Variants in CFAP43 observed in about 807,000 individuals in gnomAD.
The protein encoded by CFAP43 is cilia- and flagella-associated protein 43.
In CFAP43, 155 loss-of-function variants were observed where a neutral mutation model predicts 218.9. The observed-to-expected ratio is 0.71, with a 90% CI of 0.62 to 0.81. CFAP43 has a LOEUF of 0.81. CFAP43 is among the 30% of genes least tolerant of loss of function. CFAP43 has a pLI of 0.00. For missense variants in CFAP43, 1,778 were observed against 1,954.3 expected (o/e 0.91, Z 1.70); for synonymous variants, 645 against 681.3 (o/e 0.95, Z 0.83).
At chr10:104,214,653 C>G (rs2090964490) in intron 3 of CFAP43, among the ~76,000 whole-genome samples, 1 of 152,080 alleles carries the variant, frequency 6.6e-6, no homozygotes, top group Non-Finnish European at 1.5e-5. Flanking sequence ...ATATGCTATA[C>G]CAAGGCTATT....
In CFAP43 at chr10:104,197,957, T is replaced by A; in HGVS notation, c.1177A>T (p.Ile393Phe). The change falls in exon 9 of 38, where the codon ATT (isoleucine) becomes TTT (phenylalanine). Residue 393 changes from isoleucine (I) to phenylalanine (F), a missense_variant. Ile to Phe is a conservative substitution (Grantham distance 21). This residue lies in a region of CFAP43 where 1,553 missense variants were observed against 1,685.2 expected (regional missense o/e 0.92). Transcript: ENST00000357060. ...TGGGTTCCAGGTGTGATAAAGTCAA[T>A]TGCCTGAAATTTCCCATCACAAGCA... ...LDACDGKFQAIDFITPGTQYF... is the reference protein window; with the variant it reads ...LDACDGKFQAFDFITPGTQYF... 2.5e-6 allele frequency: 4 copies of A among 1,613,816 alleles called. No homozygotes were observed. The highest frequency in any genetic ancestry group is 3.4e-6 in the Non-Finnish European group (4 of 1,179,736).
Position 104,203,807 on chromosome 10 carries a change from G to A in CFAP43, c.964-4C>T. ...TAAAAGAATACACAAAGCCATCCTAGAGATGAGTGAGATAAACATAGAAAA... is the reference window on the plus strand; with the variant it reads ...TAAAAGAATACACAAAGCCATCCTAAAGATGAGTGAGATAAACATAGAAAA... On this transcript the variant is annotated splice_polypyrimidine_tract_variant and splice_region_variant and intron_variant, in intron 7 of 37. Coordinates refer to ENST00000357060, the MANE Select transcript of CFAP43 (RefSeq NM_025145.7). 1 of 1,591,790 alleles carries A rather than the reference G, an allele frequency of 6.3e-7. No homozygotes were observed. The highest frequency in any genetic ancestry group is 1.2e-5 in the South Asian group (1 of 86,144).
intron 7 of CFAP43, among the ~76,000 whole-genome samples, chr10:104,205,227 A>AAAAAAAAAAAAAC (rs2090651162): frequency 6.6e-6 from 1 of 151,158 alleles, no homozygotes; most frequent in Non-Finnish European, 1.5e-5. Flanking sequence ...AAAAAAAAAA[A>AAAAAAAAAAAAAC]AAAAAAAAGA....
intron 3 of CFAP43, among the ~76,000 whole-genome samples, chr10:104,222,558 C>A (rs1425831314): frequency 7.2e-5 from 11 of 152,196 alleles, no homozygotes; most frequent in Admixed American, 5.9e-4. Context: ...GTCCTCTGCA[C>A]AGCATCTACC....
chr10:104,230,930 G>A, intron 1 of CFAP43, 87 bp from the exon 2 acceptor site: 4 of 1,394,502 alleles, frequency 2.9e-6, no homozygotes, highest in Non-Finnish European at 2.8e-6. Context: ...CAAAATCTTT[G>A]AAACATTTCT....
intron 4 of CFAP43, among the ~76,000 whole-genome samples, chr10:104,212,806 A>C (rs2090904354): frequency 6.6e-6 from 1 of 152,246 alleles, no homozygotes; most frequent in Non-Finnish European, 1.5e-5. Context: ...CATTAAATTC[A>C]AAACTTCCTT....
intron 35 of CFAP43, 96 bp from the exon 36 acceptor site, chr10:104,132,292 A>C: frequency 1.1e-6 from 1 of 920,530 alleles, no homozygotes; most frequent in Non-Finnish European, 1.6e-6. Context: ...ACTGTTTTTC[A>C]TAACAAATAT....
At chr10:104,183,491 G>A (rs369019082) in intron 16 of CFAP43, among the ~76,000 whole-genome samples, 36 of 150,690 alleles carry the variant, frequency 2.4e-4, no homozygotes, top group African/African-American at 8.8e-4. Context: ...CCGGGTTCAC[G>A]CCATTCTCCT....
At chr10:104,167,767 A>G (rs1327710601) in intron 21 of CFAP43, 30 bp from the exon 22 acceptor site, 3 of 1,534,690 alleles carry the variant, frequency 2.0e-6, no homozygotes, top group South Asian at 1.2e-5. Context: ...GACAAAATAA[A>G]TCCATTTGTA....
Position 104,130,893 on chromosome 10 carries a change from G to A in CFAP43, c.4831+438C>T, listed in dbSNP as rs529782706. 2.6e-5 allele frequency among the ~76,000 whole-genome samples: 4 copies of A among 151,938 alleles called. No individual in the cohort carries two copies. In the East Asian group the frequency reaches 5.8e-4, roughly 22 times the overall value. On this transcript the variant is annotated intron_variant, in intron 37 of 37. Coordinates refer to ENST00000357060, the MANE Select transcript of CFAP43 (RefSeq NM_025145.7). ...CCTGCCTGTGGTCCCAGGCACTTGA[G>A]GGGGCTGAGGTGGGAGGATCAATTG...
At chr10:104,161,810 T>C in intron 26 of CFAP43, 151 bp downstream of exon 26, 1 of 635,134 alleles carries the variant, frequency 1.6e-6, no homozygotes, top group Non-Finnish European at 2.7e-6. Flanking sequence ...CAGGCCCTAA[T>C]GTGGTAGGTT....
intron 11 of CFAP43, 33 bp downstream of exon 11, chr10:104,193,833 A>G: frequency 6.2e-7 from 1 of 1,604,088 alleles, no homozygotes; most frequent in Non-Finnish European, 8.5e-7. Flanking sequence ...CGGGTGTGAC[A>G]CGGAGCCGCT....
In CFAP43 at chr10:104,162,301, A is replaced by C; in HGVS notation, c.3333+16T>G. The C allele has an allele frequency of 6.2e-7, 1 of 1,610,826 alleles. No homozygotes were observed. Among genetic ancestry groups the C allele is most frequent in the Non-Finnish European group, 8.5e-7 (1 of 1,176,960 alleles). On this transcript the variant is annotated intron_variant, in intron 25 of 37. Transcript: ENST00000357060. ...CAAAGAGGGTCTTAGGACCTGTGTT[A>C]AGCAAAGCTACATGCCTGTATCAGA...
chr10:104,219,936 C>A (rs2091131998), intron 3 of CFAP43, among the ~76,000 whole-genome samples: 2 of 152,174 alleles, frequency 1.3e-5, no homozygotes, highest in Non-Finnish European at 2.9e-5. Flanking sequence ...TTGAACTGTG[C>A]CTCCCCCAAA....
intron 28 of CFAP43, among the ~76,000 whole-genome samples, chr10:104,148,295 C>T (rs1314097352): frequency 2.6e-5 from 4 of 152,174 alleles, no homozygotes; most frequent in African/African-American, 9.7e-5. Flanking sequence ...TCGCAAGAAA[C>T]AGAACTTTAC....
intron 27 of CFAP43, 97 bp downstream of exon 27, chr10:104,160,940 A>T: frequency 1.6e-6 from 2 of 1,222,014 alleles, no homozygotes; most frequent in Non-Finnish European, 2.2e-6. Context: ...ACTGTCCTTA[A>T]GCTATTAAAG....
chr10:104,136,276 A>AGAAG (rs1554856621), intron 34 of CFAP43, among the ~76,000 whole-genome samples: 23 of 134,050 alleles, frequency 1.7e-4, no homozygotes, highest in Non-Finnish European at 2.7e-4. Context: ...AAAAAAAAAA[A>AGAAG]AAGAAGAAAA....
At chr10:104,177,408 G>A (rs2134863431) in intron 19 of CFAP43, among the ~76,000 whole-genome samples, 1 of 152,244 alleles carries the variant, frequency 6.6e-6, no homozygotes, top group South Asian at 2.1e-4. Flanking sequence ...GGCGGTCATT[G>A]CCAACTCATA....
chr10:104,193,731 G>T, intron 11 of CFAP43, 135 bp downstream of exon 11: 1 of 1,227,886 alleles, frequency 8.1e-7, no homozygotes, highest in Non-Finnish European at 1.1e-6. Flanking sequence ...TTTGAGTGTT[G>T]AACTGTGTGA....
Sources: gnomAD v4.1 joint callset for allele counts (sites outside exome capture counted in the v4.1 genomes callset) on GRCh38, gnomAD v4.1.1 for gene constraint, gnomAD v4.1.1 regional missense constraint, MANE v1.5 for transcripts, NCBI Gene and HGNC (gene_info 2026-07-23, HGNC 2026-07-21) for gene names.